The following SLC10A7 variants were observed in gnomAD, a reference collection of about 807,000 sequenced individuals.
The protein encoded by SLC10A7 is sodium/bile acid cotransporter 7.
In SLC10A7, 29 loss-of-function variants were observed where a neutral mutation model predicts 43.2. The observed-to-expected ratio is 0.67, with a 90% CI of 0.50 to 0.92. The LOEUF (loss-of-function observed/expected upper bound fraction) is 0.92. Among genes scored for constraint, SLC10A7 ranks in the 40% least tolerant of loss-of-function variants. SLC10A7 has a pLI of 0.00. For missense variants in SLC10A7, 295 were observed against 403.2 expected, an observed-to-expected ratio of 0.73 and a Z score of 2.30; for synonymous variants, 152 against 144.8, an observed-to-expected ratio of 1.05 and a Z score of -0.35.
At chr4:146,496,669 A>G (rs1456727334) in intron 4 of SLC10A7, among the ~76,000 whole-genome samples, 2 of 152,064 alleles carry the variant, frequency 1.3e-5, no homozygotes, top group Admixed American at 1.3e-4. Flanking sequence ...ATTTTTCTCC[A>G]CAACTATCCA....
intron 5 of SLC10A7, among the ~76,000 whole-genome samples, chr4:146,342,617 TAG>T (rs1256551222): frequency 6.6e-6 from 1 of 151,692 alleles, no homozygotes; most frequent in African/African-American, 2.4e-5. Flanking sequence ...CATCATTTTT[TAG>T]AGTTTCACTT....
chr4:146,350,985 T>A (rs577030584), intron 5 of SLC10A7, among the ~76,000 whole-genome samples: 1 of 149,668 alleles, frequency 6.7e-6, no homozygotes, highest in East Asian at 1.9e-4. Context: ...CTCTCCTCCT[T>A]CAAAGGAACG....
chr4:146,379,678 A>C (rs891284592), intron 5 of SLC10A7, among the ~76,000 whole-genome samples: 2 of 152,216 alleles, frequency 1.3e-5, no homozygotes, highest in Non-Finnish European at 2.9e-5. Context: ...TGTCAATATT[A>C]GCAATTAATT....
chr4:146,304,804 T>G (rs1443910326), intron 7 of SLC10A7, among the ~76,000 whole-genome samples: 1 of 152,116 alleles, frequency 6.6e-6, no homozygotes, highest in Admixed American at 6.5e-5. Context: ...CTGGGTATCC[T>G]TGTTGACTTT....
chr4:146,334,724 G>C (rs970989868), intron 5 of SLC10A7, among the ~76,000 whole-genome samples: 10 of 151,876 alleles, frequency 6.6e-5, no homozygotes, highest in Non-Finnish European at 1.2e-4. Context: ...TTGTAGAACA[G>C]CAGAGGGTAG....
intron 6 of SLC10A7, among the ~76,000 whole-genome samples, chr4:146,310,532 G>A (rs1268393185): frequency 1.3e-5 from 2 of 151,994 alleles, no homozygotes; most frequent in Admixed American, 1.3e-4. Flanking sequence ...GGTGTAAGAT[G>A]GTGTCTCATT....
At chr4:146,498,149 G>A (rs918755112) in intron 4 of SLC10A7, among the ~76,000 whole-genome samples, 3 of 147,898 alleles carry the variant, frequency 2.0e-5, no homozygotes, top group East Asian at 3.9e-4. Context: ...ACGGAGTCTC[G>A]CTCTGTCGCC....
intron 6 of SLC10A7, among the ~76,000 whole-genome samples, chr4:146,313,388 G>A (rs1317220964): frequency 6.6e-6 from 1 of 152,130 alleles, no homozygotes; most frequent in Non-Finnish European, 1.5e-5. Context: ...TAGAGCATTT[G>A]AAAACTGCTT....
At chr4:146,397,243 G>C (rs1738897598) in intron 5 of SLC10A7, among the ~76,000 whole-genome samples, 2 of 152,012 alleles carry the variant, frequency 1.3e-5, no homozygotes, top group Admixed American at 1.3e-4. Flanking sequence ...ACTAAAAGAT[G>C]GTTTACTGTG....
At chr4:146,260,482 T>G (rs776614326) in intron 10 of SLC10A7, among the ~76,000 whole-genome samples, 1 of 152,226 alleles carries the variant, frequency 6.6e-6, no homozygotes, top group Non-Finnish European at 1.5e-5. Context: ...CTGAGGCTGC[T>G]GGGCTAAACC....
At chr4:146,489,963 T>C (rs1442968094) in intron 4 of SLC10A7, among the ~76,000 whole-genome samples, 1 of 152,106 alleles carries the variant, frequency 6.6e-6, no homozygotes, top group Non-Finnish European at 1.5e-5. Flanking sequence ...ATGTTTTCAA[T>C]CACAATTTGA....
chr4:146,311,293 G>C (rs2149688292), intron 6 of SLC10A7, among the ~76,000 whole-genome samples: 1 of 152,274 alleles, frequency 6.6e-6, no homozygotes, highest in East Asian at 1.9e-4. Flanking sequence ...ATAGGTAGCA[G>C]TTCTTGATGA....
intron 2 of SLC10A7, among the ~76,000 whole-genome samples, chr4:146,515,909 CAAAAAAAA>C (rs57840725): frequency 1.0e-4 from 8 of 79,244 alleles, no homozygotes; most frequent in East Asian, 4.1e-4. Flanking sequence ...GATTCCATCT[CAAAAAAAA>C]AAAAAAAAAA....
chr4:146,271,266 C>T (rs1728875561), intron 10 of SLC10A7, among the ~76,000 whole-genome samples: 1 of 152,134 alleles, frequency 6.6e-6, no homozygotes, highest in South Asian at 2.1e-4. Flanking sequence ...TGATCTGTTC[C>T]CACATGACTT....
chr4:146,416,921 C>T (rs1033031000), intron 5 of SLC10A7, among the ~76,000 whole-genome samples: 2 of 152,138 alleles, frequency 1.3e-5, no homozygotes, highest in African/African-American at 4.8e-5. Flanking sequence ...TCTCTCACCT[C>T]CTTCAAGTCT....
At chr4:146,391,293 T>C (rs1161583719) in intron 5 of SLC10A7, among the ~76,000 whole-genome samples, 2 of 152,168 alleles carry the variant, frequency 1.3e-5, no homozygotes, top group African/African-American at 4.8e-5. Context: ...ACACTGCAAA[T>C]GTGTTAAGAG....
chr4:146,492,539 CT>C (rs1422884280), intron 4 of SLC10A7, among the ~76,000 whole-genome samples: 1 of 152,046 alleles, frequency 6.6e-6, no homozygotes, highest in East Asian at 1.9e-4. Flanking sequence ...GGCTAAATTT[CT>C]TTGTATTTTT....
intron 4 of SLC10A7, among the ~76,000 whole-genome samples, chr4:146,492,032 A>G (rs779581673): frequency 4.6e-5 from 7 of 152,070 alleles, no homozygotes; most frequent in Non-Finnish European, 1.0e-4. Flanking sequence ...CCTGGCTAAC[A>G]TGGTGAAACC....
intron 7 of SLC10A7, among the ~76,000 whole-genome samples, chr4:146,297,479 T>C (rs1304681679): frequency 6.6e-6 from 1 of 152,156 alleles, no homozygotes; most frequent in Non-Finnish European, 1.5e-5. Flanking sequence ...CCCATCATCT[T>C]AGTTTTCTTA....
Sources: gnomAD v4.1 joint callset for allele counts (sites outside exome capture counted in the v4.1 genomes callset) on GRCh38, gnomAD v4.1.1 for gene constraint, MANE v1.5 for transcripts, NCBI Gene and HGNC (gene_info 2026-07-23, HGNC 2026-07-21) for gene names.